CLASP1: variants seen among roughly 807,000 people sequenced by gnomAD.
CLASP1 encodes cytoplasmic linker associated protein 1, also known as CLIP-associating protein 1.
CLASP1 carries 38 observed loss-of-function variants against 192.3 expected under a neutral mutation model. The ratio of observed to expected loss-of-function variants is 0.20; its 90% CI spans 0.15 to 0.26. The LOEUF (loss-of-function observed/expected upper bound fraction) is 0.26. Ranked by LOEUF, CLASP1 falls within the 10% of genes least tolerant of loss-of-function variation. The pLI, the probability that CLASP1 is intolerant of heterozygous loss-of-function variation, is 1.00. For missense variants in CLASP1, 1,433 were observed against 1,932.5 expected, an observed-to-expected ratio of 0.74 and a Z score of 4.85; for synonymous variants, 691 against 712.8, an observed-to-expected ratio of 0.97 and a Z score of 0.49.
At chr2:121,637,397 G>A (rs1011870586) in intron 1 of CLASP1, among the ~76,000 whole-genome samples, 2 of 151,864 alleles carry the variant, frequency 1.3e-5, no homozygotes, top group African/African-American at 4.8e-5. Flanking sequence ...AGGACAACTG[G>A]CTATCTACAT....
chr2:121,623,244 G>A (rs1363115447), intron 1 of CLASP1, among the ~76,000 whole-genome samples: 2 of 152,104 alleles, frequency 1.3e-5, no homozygotes, highest in Non-Finnish European at 2.9e-5. Context: ...TTTTTATCAT[G>A]AAACAATGTT....
chr2:121,340,291 C>T (rs544848434), exon 40 of CLASP1: 13 of 152,428 alleles, frequency 8.5e-5, no homozygotes, highest in Admixed American at 7.9e-4. Context: ...AAGCAAAATT[C>T]CCAGCGTTTG....
intron 2 of CLASP1, among the ~76,000 whole-genome samples, chr2:121,585,025 A>G (rs1294441365): frequency 2.6e-5 from 4 of 152,218 alleles, no homozygotes; most frequent in Non-Finnish European, 5.9e-5. Flanking sequence ...CTTTCTACAC[A>G]TGAACTCTTT....
chr2:121,372,142 G>C (rs1007861931), intron 34 of CLASP1, among the ~76,000 whole-genome samples: 1 of 152,168 alleles, frequency 6.6e-6, no homozygotes, highest in African/African-American at 2.4e-5. Flanking sequence ...TATCTTTTAG[G>C]TTAAAATAGA....
chr2:121,578,739 AAAAAGTT>A (rs1276547976), intron 2 of CLASP1, among the ~76,000 whole-genome samples: 1 of 152,084 alleles, frequency 6.6e-6, no homozygotes, highest in Non-Finnish European at 1.5e-5. Flanking sequence ...AAAAAAAAAA[AAAAAGTT>A]AGACCTCTTT....
intron 39 of CLASP1, among the ~76,000 whole-genome samples, 194 bp downstream of exon 40, chr2:121,346,844 A>T (rs904358159): frequency 6.6e-6 from 1 of 152,352 alleles, no homozygotes. Context: ...ATGTTGTGTA[A>T]TGTCAGTCTT....
At position 121,427,073 on chromosome 2, in the gene CLASP1, T is replaced by C. The variant is rs116674344; in HGVS notation, c.2044+331A>G. ...TAAATCAAAACCACCATCATTCAAA[T>C]GAACCACGTAGGTGAATACTCACAA... On this transcript the variant is annotated intron_variant, in intron 21 of 39. Transcript: ENST00000263710. Among the ~76,000 whole-genome samples the C allele has an allele frequency of 7.1e-3, 1,083 of 152,018 alleles. 7 individuals are homozygous for C. The highest frequency in any genetic ancestry group is 0.024 in the African/African-American group (1,005 of 41,546).
intron 1 of CLASP1, among the ~76,000 whole-genome samples, chr2:121,629,485 G>C (rs182931201): frequency 1.9e-4 from 29 of 151,948 alleles, no homozygotes; most frequent in African/African-American, 6.3e-4. Context: ...AAGCAAACTA[G>C]AAAACAATTA....
intron 2 of CLASP1, among the ~76,000 whole-genome samples, chr2:121,589,432 TC>T (rs1447604834): frequency 6.6e-6 from 1 of 151,980 alleles, no homozygotes; most frequent in Non-Finnish European, 1.5e-5. Flanking sequence ...GAGTTTGAGA[TC>T]CGCCTGGCCA....
intron 2 of CLASP1, among the ~76,000 whole-genome samples, chr2:121,543,602 C>A (rs566533359): frequency 6.6e-6 from 1 of 152,140 alleles, no homozygotes; most frequent in Non-Finnish European, 1.5e-5. Flanking sequence ...TCCTCCTGCC[C>A]AAGATTCCTA....
chr2:121,565,016 G>A (rs944869029), intron 2 of CLASP1, among the ~76,000 whole-genome samples: 10 of 152,154 alleles, frequency 6.6e-5, no homozygotes, highest in African/African-American at 2.4e-4. Flanking sequence ...ACGAGGAGGA[G>A]GCCTATCAAC....
chr2:121,432,238 TC>T lies in CLASP1; in HGVS notation c.1913-2062del, dbSNP rs551949443. 8.5e-5 allele frequency among the ~76,000 whole-genome samples: 13 copies of T among 152,274 alleles called. No homozygotes were observed. The East Asian group carries it at 2.5e-3, about 29-fold the overall frequency. On this transcript the variant is annotated intron_variant, in intron 19 of 39. Coordinates refer to ENST00000263710, the Ensembl canonical transcript of CLASP1. ...ATCAAGCGATTCTCTTGCCTCAGCC[TC>T]CCCAGTAGCTGGGATTACAGGAACA...
intron 16 of CLASP1, 118 bp downstream of exon 16, chr2:121,450,795 T>C: frequency 1.5e-6 from 1 of 689,252 alleles, no homozygotes; most frequent in Non-Finnish European, 2.4e-6. Flanking sequence ...GGGTCATGTT[T>C]AAAAGTCATG....
At chr2:121,524,576 G>A (rs560924443) in intron 6 of CLASP1, among the ~76,000 whole-genome samples, 9 of 151,824 alleles carry the variant, frequency 5.9e-5, no homozygotes, top group South Asian at 2.1e-4. Context: ...TGTGCCTCAG[G>A]TTCCCAAGTA....
At chr2:121,576,489 C>A (rs2060532252) in intron 2 of CLASP1, among the ~76,000 whole-genome samples, 1 of 152,138 alleles carries the variant, frequency 6.6e-6, no homozygotes, top group African/African-American at 2.4e-5. Flanking sequence ...ACAAGATGTT[C>A]TAGGCTTATC....
intron 2 of CLASP1, among the ~76,000 whole-genome samples, chr2:121,556,827 T>C (rs907524590): frequency 2.6e-5 from 4 of 152,124 alleles, no homozygotes; most frequent in Non-Finnish European, 5.9e-5. Flanking sequence ...GCATCTCCCC[T>C]CCCATACTTC....
At chr2:121,455,362 G>T (rs903868594) in intron 14 of CLASP1, among the ~76,000 whole-genome samples, 1 of 152,066 alleles carries the variant, frequency 6.6e-6, no homozygotes, top group Non-Finnish European at 1.5e-5. Flanking sequence ...CATGATTATT[G>T]CAAGACTATT....
intron 19 of CLASP1, among the ~76,000 whole-genome samples, chr2:121,444,544 CCACAAAAG>C (rs1432719334): frequency 6.6e-6 from 1 of 151,942 alleles, no homozygotes; most frequent in African/African-American, 2.4e-5. Context: ...CCTGAGAGGC[CCACAAAAG>C]CACAAAAGGA....
At chr2:121,527,770 T>C (rs776780293) in intron 5 of CLASP1, 29 bp downstream of exon 5, 2 of 1,526,266 alleles carry the variant, frequency 1.3e-6, no homozygotes, top group East Asian at 2.3e-5. Context: ...TTCAGCCACG[T>C]AAAAATGTCA....
Sources: gnomAD v4.1 joint callset for allele counts (sites outside exome capture counted in the v4.1 genomes callset) on GRCh38, gnomAD v4.1.1 for gene constraint, MANE v1.5 for transcripts, NCBI Gene and HGNC (gene_info 2026-07-23, HGNC 2026-07-21) for gene names.